PRTG: variants seen among roughly 807,000 people sequenced by gnomAD.
PRTG encodes immunoglobulin superfamily, DCC subclass, member 5.
In PRTG, 67 loss-of-function variants were observed where a neutral mutation model predicts 122.5. The observed-to-expected ratio is 0.55, with a 90% CI of 0.45 to 0.67. The LOEUF (loss-of-function observed/expected upper bound fraction) is 0.67. Among genes scored for constraint, PRTG ranks in the 30% least tolerant of loss-of-function variants. The pLI is 0.00. For synonymous variants in PRTG, 554 were observed against 501.1 expected (o/e 1.11, Z -1.41); for missense variants, 1,435 against 1,415.4 (o/e 1.01, Z -0.22).
intron 12 of PRTG, 33 bp downstream of exon 12, chr15:55,641,080 A>C: frequency 7.0e-7 from 1 of 1,424,044 alleles, no homozygotes; most frequent in East Asian, 2.3e-5. Flanking sequence ...GGTGTGAGCC[A>C]TAGTAAAACA....
intron 2 of PRTG, among the ~76,000 whole-genome samples, chr15:55,699,664 G>T (rs2059651306): frequency 6.6e-6 from 1 of 152,152 alleles, no homozygotes; most frequent in Non-Finnish European, 1.5e-5. Context: ...GTATCATAAA[G>T]CACAGAAATG....
intron 11 of PRTG, chr15:55,656,346 A>G (rs1255847664): frequency 2.2e-6 from 1 of 455,888 alleles, no homozygotes; most frequent in South Asian, 1.6e-5. Context: ...TTTCATTATT[A>G]GATTCGGGCT....
chr15:55,702,268 T>TC (rs1230190303), intron 2 of PRTG, among the ~76,000 whole-genome samples: 1 of 152,198 alleles, frequency 6.6e-6, no homozygotes, highest in Non-Finnish European at 1.5e-5. Context: ...GTCCTGATTT[T>TC]CCCAAGTAGA....
intron 2 of PRTG, chr15:55,738,747 C>G: frequency 1.9e-5 from 5 of 266,720 alleles, no homozygotes; most frequent in Non-Finnish European, 3.4e-5. Context: ...TGCAGGCAGG[C>G]AGAGGGAGGG....
intron 11 of PRTG, among the ~76,000 whole-genome samples, chr15:55,657,884 C>A (rs11071200): frequency 0.22 from 33,353 of 151,942 alleles, 3,921 homozygotes; most frequent in African/African-American, 0.28. Flanking sequence ...AGTTATGAAA[C>A]ATTTATAAAA....
At chr15:55,656,150 T>C (rs1279007898) in intron 11 of PRTG, 1 of 279,806 alleles carries the variant, frequency 3.6e-6, no homozygotes, top group Non-Finnish European at 7.0e-6. Flanking sequence ...AGTCTGTATT[T>C]AAATTTCCAA....
At chr15:55,693,352 A>C (rs1352588966) in intron 2 of PRTG, among the ~76,000 whole-genome samples, 1 of 151,792 alleles carries the variant, frequency 6.6e-6, no homozygotes, top group Non-Finnish European at 1.5e-5. Context: ...GCTACTTGGG[A>C]GGGTGAGGCA....
intron 15 of PRTG, among the ~76,000 whole-genome samples, chr15:55,631,609 G>C (rs934338549): frequency 2.4e-4 from 36 of 152,188 alleles, no homozygotes; most frequent in African/African-American, 8.2e-4. Flanking sequence ...TAATTAGTGT[G>C]ATTATTTCCG....
intron 2 of PRTG, among the ~76,000 whole-genome samples, chr15:55,712,715 C>T (rs767298604): frequency 1.3e-5 from 2 of 152,174 alleles, no homozygotes; most frequent in Non-Finnish European, 2.9e-5. Context: ...CAGATTATTA[C>T]TATCCTTTTT....
At position 55,673,505 on chromosome 15, in the gene PRTG, G is replaced by A. The variant is rs373191733; in HGVS notation, c.1718C>T (p.Thr573Met). 1.5e-5 allele frequency: 25 copies of A among 1,614,000 alleles called. No individual in the cohort carries two copies. Among genetic ancestry groups the A allele is most frequent in the African/African-American group, 2.7e-5 (2 of 74,908 alleles). The change falls in exon 10 of 20, where the codon ACG (threonine) becomes ATG (methionine). Residue 573 changes from threonine to methionine, a missense_variant. Transcript: ENST00000389286. The part of the protein sequence containing the change: ...SIQVLELPGT[T>M]HEYLLEGLKP... ...CAGGCCTTCCAAAAGGTACTCATGC[G>A]TGGTCCCCGGGAGCTCCAGAACTTG...
At chr15:55,669,841 C>T (rs1223912240) in intron 11 of PRTG, among the ~76,000 whole-genome samples, 3 of 152,314 alleles carry the variant, frequency 2.0e-5, no homozygotes, top group Non-Finnish European at 4.4e-5. Flanking sequence ...TCAGTCCAAT[C>T]ACTCAATATA....
At chr15:55,667,972 A>C (rs1188724390) in intron 11 of PRTG, among the ~76,000 whole-genome samples, 3 of 152,196 alleles carry the variant, frequency 2.0e-5, no homozygotes, top group African/African-American at 7.2e-5. Flanking sequence ...CTGTGGTCCC[A>C]GCCACTCAGG....
rs2059544703 is a variant in PRTG, at chr15:55,682,460, C to A, written c.580G>T (p.Asp194Tyr). ...TTTCCAGAATCCCTTTGGCTGACAT[C>A]ATAGATCTGCAATACTCCTGTTGGT... ...ALPTGVLQIY[D>Y]VSQRDSGNYR... is the part of the protein sequence containing the mutation. Residue 194 changes from aspartate to tyrosine, a missense_variant, in exon 4 of 20, where the codon GAT becomes TAT. Transcript: ENST00000389286. The A allele has an allele frequency of 1.3e-6, 2 of 1,596,168 alleles. No homozygotes were observed. Among genetic ancestry groups the A allele is most frequent in the Admixed American group, 3.4e-5 (2 of 58,596 alleles).
intron 12 of PRTG, 27 bp from the exon 13 acceptor site, chr15:55,639,855 C>T (rs765692595): frequency 1.9e-5 from 30 of 1,609,962 alleles, no homozygotes; most frequent in African/African-American, 8.0e-5. Context: ...TGTTAATTTA[C>T]GATACGACAT....
intron 1 of PRTG, chr15:55,742,542 C>T (rs533318802): frequency 2.6e-6 from 1 of 381,432 alleles, no homozygotes; most frequent in South Asian, 5.3e-5. Context: ...AAGGAAGAGA[C>T]CAGAGTGGAC....
At chr15:55,628,559 T>C (rs1167158873) in intron 16 of PRTG, among the ~76,000 whole-genome samples, 3 of 152,138 alleles carry the variant, frequency 2.0e-5, no homozygotes, top group Non-Finnish European at 4.4e-5. Context: ...GTGGCTCCTC[T>C]GTCTTGGTGG....
rs1445358787 is a variant in PRTG at position 55,616,613 on chromosome 15, G to C, written c.*3399C>G. On this transcript the variant is annotated 3_prime_UTR_variant, in exon 20 of 20. Transcript: ENST00000389286. ...TGCATGTTATTTGTATACAGACTGT[G>C]TTCCGAAGAGACATGTTTGGTTTAA... 3 of 152,120 alleles carry C rather than the reference G, an allele frequency of 2.0e-5. No homozygotes were observed. Among genetic ancestry groups the C allele is most frequent in the African/African-American group, 7.2e-5 (3 of 41,426 alleles). The allele number at this position is 152,120 out of a possible 1,614,324, so 9.4% of individuals were successfully genotyped here.
In PRTG at chr15:55,669,168, TA is replaced by T. The variant is rs879643229; in HGVS notation, c.2041+3276del. Among the ~76,000 whole-genome samples, 208 of 140,526 alleles carry T rather than the reference TA, an allele frequency of 1.5e-3. 1 individual carries two copies. The highest frequency in any genetic ancestry group is 3.7e-3 in the Middle Eastern group (1 of 268). 92.2% of individuals were successfully genotyped at this position (140,526 alleles called of 152,430 possible). On this transcript the variant is annotated intron_variant, in intron 11 of 19. Transcript: ENST00000389286. The stretch of plus-strand genomic sequence containing the variant: ...AAATTAAAAACTTAATTATCAGAAG[TA>T]AAAAAAAAAAGGTGTATAAAGGCAT...
intron 2 of PRTG, among the ~76,000 whole-genome samples, chr15:55,737,940 G>A (rs1291428457): frequency 8.8e-5 from 13 of 147,410 alleles, no homozygotes; most frequent in African/African-American, 3.3e-4. Context: ...TAAAAACAAG[G>A]GGGAAAAGAA....
Sources: allele counts gnomAD v4.1 joint callset (sites outside exome capture counted in the v4.1 genomes callset), GRCh38; gene constraint gnomAD v4.1.1; transcripts MANE v1.5; gene names NCBI Gene and HGNC (gene_info 2026-07-23, HGNC 2026-07-21).